Variants in METTL1 observed in about 807,000 individuals in gnomAD.
The protein encoded by METTL1 is tRNA (guanine-N(7)-)-methyltransferase.
In METTL1, 14 loss-of-function variants were observed where a neutral mutation model predicts 27.7. The ratio of observed to expected loss-of-function variants is 0.51; its 90% CI spans 0.33 to 0.79. The LOEUF is 0.79. Among genes scored for constraint, METTL1 ranks in the 30% least tolerant of loss-of-function variants. The pLI is 0.02. For synonymous variants in METTL1, 138 were observed against 137.0 expected, an observed-to-expected ratio of 1.01 and a Z score of -0.05; for missense variants, 333 against 359.6, an observed-to-expected ratio of 0.93 and a Z score of 0.60.
chr12:57,770,829 G>A (rs1325299463), intron 2 of METTL1: 22 of 362,602 alleles, frequency 6.1e-5, no homozygotes, highest in South Asian at 4.0e-4. Flanking sequence ...TCACTGACCC[G>A]GAACCTGGCA....
In METTL1 at chr12:57,772,021, G is replaced by A; in HGVS notation, c.63C>T (p.Tyr21=). The change falls in exon 1 of 6, where the codon TAC becomes TAT. Residue 21 remains tyrosine (Y), a synonymous_variant. Transcript: ENST00000324871. This position sits in a 1 kb window ranked among gnomAD's most constrained non-coding sequence, Gnocchi z 4.1. The part of the protein sequence containing the change: ...AEAPPPQKRY[Y]RQRAHSNPMA... The stretch of plus-strand genomic sequence containing the variant: ...TGGGGTTGGAGTGAGCACGTTGCCG[G>A]TAGTAGCGCTTCTGGGGCGGTGGGG... 2 of 1,553,236 alleles carry A rather than the reference G, an allele frequency of 1.3e-6. No homozygotes were observed. The highest frequency in any genetic ancestry group is 1.7e-6 in the Non-Finnish European group (2 of 1,158,248).
chr12:57,769,892 T>C lies in METTL1; in HGVS notation c.339A>G (p.Ser113=), dbSNP rs773526948. 6.2e-7 allele frequency: 1 copy of C among 1,613,914 alleles called. No homozygotes were observed. The highest frequency in any genetic ancestry group is 8.5e-7 in the Non-Finnish European group (1 of 1,179,902). ...CCCGAATCCGGTCTTGTACATAGTC[T>C]GAGACCTTCACCCGGATCTCCAGAC... The part of the protein sequence containing the change: ...ILGLEIRVKV[S]DYVQDRIRAL... The change falls in exon 3 of 6, where the codon TCA becomes TCG. Residue 113 remains serine, a synonymous_variant. Transcript: ENST00000324871.
Position 57,769,551 on chromosome 12 carries a change from C to G in METTL1, c.573+14G>C. On this transcript the variant is annotated intron_variant, in intron 4 of 5. Transcript: ENST00000324871. ...TAGGCCACTCACCCCATCATCCCTC[C>G]GATCCCAACTCACCCCAACTCTTAG... 6.4e-7 allele frequency: 1 copy of G among 1,557,410 alleles called. No homozygotes were observed. Among genetic ancestry groups the G allele is most frequent in the Non-Finnish European group, 8.7e-7 (1 of 1,149,018 alleles).
In METTL1 at chr12:57,769,320, C is replaced by T; in HGVS notation, c.658G>A (p.Val220Met). ...CTACTCACCAGGTCCTCCAGAGGCA[C>T]ACGCTCAAACAGTGGGTGCTCTTCG... The part of the protein sequence containing the change: ...HFEEHPLFER[V>M]PLEDLSEDPV... The change falls in exon 5 of 6, where the codon GTG (valine) becomes ATG (methionine). Residue 220 changes from valine (V) to methionine (M), a missense_variant. Val to Met is a conservative substitution (Grantham distance 21). Coordinates refer to ENST00000324871, the MANE Select transcript of METTL1 (RefSeq NM_005371.6). The T allele has an allele frequency of 6.2e-7, 1 of 1,614,158 alleles. No homozygotes were observed. Among genetic ancestry groups the T allele is most frequent in the Non-Finnish European group, 8.5e-7 (1 of 1,180,016 alleles).
chr12:57,771,944 C>T (rs1333648818), intron 1 of METTL1, 30 bp downstream of exon 1: 1 of 1,488,606 alleles, frequency 6.7e-7, no homozygotes. Context: ...GAATCCCGCC[C>T]TCCTCTCTCT....
intron 1 of METTL1, chr12:57,771,646 T>C: frequency 6.5e-7 from 1 of 1,526,870 alleles, no homozygotes; most frequent in East Asian, 2.5e-5. Context: ...GGCAGGATTG[T>C]GTATATGTTT....
chr12:57,770,106 C>T (rs1955411920), intron 2 of METTL1, 150 bp from the exon 3 acceptor site: 7 of 792,444 alleles, frequency 8.8e-6, no homozygotes, highest in Non-Finnish European at 1.4e-5. Context: ...GTTTTATGCT[C>T]AAGAGGCGGG....
rs149571826 is a variant in METTL1 at position 57,772,037 on chromosome 12, G to T, written c.47C>A (p.Pro16His). 128 of 1,554,348 alleles carry T rather than the reference G, an allele frequency of 8.2e-5. No homozygotes were observed. Among genetic ancestry groups the T allele is most frequent in the Non-Finnish European group, 1.1e-4 (127 of 1,159,720 alleles). The change falls in exon 1 of 6, where the codon CCC becomes CAC. Residue 16 changes from proline (P) to histidine (H), a missense_variant. Physicochemically the swap from Pro to His is moderately conservative, Grantham distance 77 (BLOSUM62 -2). Transcript: ENST00000324871. This position sits in a 1 kb window ranked among gnomAD's most constrained non-coding sequence, Gnocchi z 4.1. The part of the protein sequence containing the change: ...RNVAGAEAPP[P>H]QKRYYRQRAH... The stretch of plus-strand genomic sequence containing the variant: ...ACGTTGCCGGTAGTAGCGCTTCTGG[G>T]GCGGTGGGGCCTCTGCTCCGGCCAC...
chr12:57,769,308 C>A lies in METTL1; in HGVS notation c.670G>T (p.Asp224Tyr). The A allele has an allele frequency of 3.1e-6, 5 of 1,614,038 alleles. No homozygotes were observed. Among genetic ancestry groups the A allele is most frequent in the Non-Finnish European group, 4.2e-6 (5 of 1,179,978 alleles). The change falls in exon 5 of 6, where the codon GAC (aspartate) becomes TAC (tyrosine). Residue 224 changes from aspartate (D) to tyrosine (Y), a missense_variant. Physicochemically the swap from Asp to Tyr is radical, Grantham distance 160. Transcript: ENST00000324871. Reference sequence around the variant, plus strand: ...CCTCTAGGTCCCCTACTCACCAGGTCCTCCAGAGGCACACGCTCAAACAGT... The same window carrying A: ...CCTCTAGGTCCCCTACTCACCAGGTACTCCAGAGGCACACGCTCAAACAGT... ...HPLFERVPLEDLSEDPVVGHL... is the reference protein window; with the variant it reads ...HPLFERVPLEYLSEDPVVGHL...
intron 2 of METTL1, among the ~76,000 whole-genome samples, chr12:57,770,456 T>G (rs1360539992): frequency 6.6e-6 from 1 of 152,156 alleles, no homozygotes; most frequent in African/African-American, 2.4e-5. Context: ...GGTCTTGAAC[T>G]CCTGGCCTCA....
chr12:57,771,327 T>A, intron 1 of METTL1, 70 bp from the exon 2 acceptor site: 1 of 1,461,034 alleles, frequency 6.8e-7, no homozygotes. Context: ...ACTGTGAGAG[T>A]GTGTGGGTGG....
intron 1 of METTL1, chr12:57,771,578 C>T (rs1434357114): frequency 6.5e-7 from 1 of 1,535,400 alleles, no homozygotes; most frequent in East Asian, 2.4e-5. Flanking sequence ...CTGCCTAATG[C>T]ACTGGGATCC....
chr12:57,769,546 C>T lies in METTL1; in HGVS notation c.573+19G>A, dbSNP rs374483634. 15 of 1,558,602 alleles carry T rather than the reference C, an allele frequency of 9.6e-6. No individual in the cohort carries two copies. In the Admixed American group the frequency reaches 2.2e-4, roughly 23 times the overall value. On this transcript the variant is annotated intron_variant, in intron 4 of 5. Coordinates refer to ENST00000324871, the MANE Select transcript of METTL1 (RefSeq NM_005371.6). ...CTGAGTAGGCCACTCACCCCATCAT[C>T]CCTCCGATCCCAACTCACCCCAACT... is the stretch of plus-strand genomic sequence containing the variant.
In METTL1 at chr12:57,771,199, G is replaced by C; in HGVS notation, c.169C>G (p.Leu57Val). The change falls in exon 2 of 6, where the codon CTC becomes GTC. Residue 57 changes from leucine (L) to valine (V), a missense_variant. By Grantham distance (32) the Leu-to-Val change is conservative. Coordinates refer to ENST00000324871, the MANE Select transcript of METTL1 (RefSeq NM_005371.6). Reference sequence around the variant, plus strand: ...TCATCGTGGCTCTGATTTTGAGTGAGTGGAGCGAAGAACTCTGGGTATAGC... The same window carrying C: ...TCATCGTGGCTCTGATTTTGAGTGACTGGAGCGAAGAACTCTGGGTATAGC... The part of the protein sequence containing the change: ...SELYPEFFAP[L>V]TQNQSHDDPK... 1 of 1,614,198 alleles carries C rather than the reference G, an allele frequency of 6.2e-7. No individual in the cohort carries two copies. Among genetic ancestry groups the C allele is most frequent in the African/African-American group, 1.3e-5 (1 of 75,056 alleles).
rs757230927 is a variant in METTL1, at chr12:57,768,831, CA to C, written c.*164del. On this transcript the variant is annotated 3_prime_UTR_variant, in exon 6 of 6. Transcript: ENST00000324871. ...AGTGGAGGGACAAGGTGAGAGGAGC[CA>C]GGGGTAGTCATGAACACCAGTGGGT... 4 of 712,334 alleles carry C rather than the reference CA, an allele frequency of 5.6e-6. No individual in the cohort carries two copies. The highest frequency in any genetic ancestry group is 8.7e-6 in the Non-Finnish European group (4 of 458,960). 44.1% of individuals were successfully genotyped at this position (712,334 alleles called of 1,614,324 possible).
At chr12:57,770,972 T>A in intron 2 of METTL1, 122 bp downstream of exon 2, 2 of 1,067,242 alleles carry the variant, frequency 1.9e-6, no homozygotes, top group Non-Finnish European at 2.7e-6. Flanking sequence ...AGCCTCTCCA[T>A]GCTGATGTCA....
chr12:57,768,959 C>T lies in METTL1; in HGVS notation c.*37G>A, dbSNP rs978216346. ...AGGACTCCTGCTCTTTTCTCTAATC[C>T]CTGGGAGACGAGGTCCAGCTAAGGT... On this transcript the variant is annotated 3_prime_UTR_variant, in exon 6 of 6. Transcript: ENST00000324871. 10 of 1,583,002 alleles carry T rather than the reference C, an allele frequency of 6.3e-6. No individual in the cohort carries two copies. The highest frequency in any genetic ancestry group is 1.3e-5 in the African/African-American group (1 of 74,420).
At position 57,769,681 on chromosome 12, in the gene METTL1, G is replaced by A. The variant is rs1441497696; in HGVS notation, c.460-3C>T. On this transcript the variant is annotated splice_polypyrimidine_tract_variant and splice_region_variant and intron_variant, in intron 3 of 5. Coordinates refer to ENST00000324871, the MANE Select transcript of METTL1 (RefSeq NM_005371.6). Reference sequence around the variant, plus strand: ...AAGAGGAAGAACATCTTTGTCAGCTGTGAGACAGACACACACCAACAGGGT... The same window carrying A: ...AAGAGGAAGAACATCTTTGTCAGCTATGAGACAGACACACACCAACAGGGT... 4 of 1,580,796 alleles carry A rather than the reference G, an allele frequency of 2.5e-6. No homozygotes were observed. The highest frequency in any genetic ancestry group is 2.2e-5 in the East Asian group (1 of 44,468).
rs1955404840 is a variant in METTL1 at position 57,769,698 on chromosome 12, C to A, written c.460-20G>T. On this transcript the variant is annotated intron_variant, in intron 3 of 5. Transcript: ENST00000324871. ...TGTCAGCTGTGAGACAGACACACAC[C>A]AACAGGGTTGTGAGAGCCTGGCCTC... The A allele has an allele frequency of 6.3e-7, 1 of 1,598,294 alleles. No individual in the cohort carries two copies. Among genetic ancestry groups the A allele is most frequent in the South Asian group, 1.1e-5 (1 of 89,238 alleles).
Sources: gnomAD v4.1 joint callset for allele counts (sites outside exome capture counted in the v4.1 genomes callset) on GRCh38, gnomAD v4.1.1 for gene constraint, Gnocchi (gnomAD v3.1) non-coding constraint, MANE v1.5 for transcripts, NCBI Gene and HGNC (gene_info 2026-07-23, HGNC 2026-07-21) for gene names.